Variants in LDB2 observed in about 807,000 individuals in gnomAD.
LDB2 encodes the protein LIM domain binding 2, also known as LIM domain-binding protein 2.
A neutral mutation model predicts 44.3 loss-of-function variants in LDB2; 12 were observed. The observed-to-expected ratio is 0.27, with a 90% CI of 0.17 to 0.44. LDB2 has a LOEUF of 0.44. LDB2 is among the 20% of genes least tolerant of loss of function. LDB2 has a pLI of 1.00. For missense variants in LDB2, 344 were observed against 473.5 expected (o/e 0.73, Z 2.54); for synonymous variants, 164 against 174.8 (o/e 0.94, Z 0.49).
intron 5 of LDB2, among the ~76,000 whole-genome samples, chr4:16,567,595 C>A (rs569930704): frequency 5.3e-4 from 81 of 152,116 alleles, no homozygotes; most frequent in African/African-American, 1.8e-3. Flanking sequence ...GTGGTGAAAC[C>A]CTGTCTCTAC....
intron 2 of LDB2, among the ~76,000 whole-genome samples, chr4:16,687,831 G>A (rs1749638515): frequency 6.6e-6 from 1 of 152,188 alleles, no homozygotes. Context: ...AGGAAGAGAA[G>A]TTAGCACGTT....
chr4:16,612,843 C>T (rs757699473), intron 2 of LDB2, among the ~76,000 whole-genome samples: 8 of 152,190 alleles, frequency 5.3e-5, no homozygotes, highest in Non-Finnish European at 1.0e-4. Flanking sequence ...CCCTCCCTAA[C>T]TCATTTTATG....
rs779080945 is a variant in LDB2 at position 16,757,680 on chromosome 4, C to T, written c.235+1478G>A. 3.9e-5 allele frequency among the ~76,000 whole-genome samples: 6 copies of T among 152,226 alleles called. No individual in the cohort carries two copies. In the South Asian group the frequency reaches 8.3e-4, roughly 21 times the overall value. ...GATGACTGCTTGGTTAGAAATTAAACGCCATTGATCAGGCAGCTTTTTGAG... is the reference window on the plus strand; with the variant it reads ...GATGACTGCTTGGTTAGAAATTAAATGCCATTGATCAGGCAGCTTTTTGAG... On this transcript the variant is annotated intron_variant, in intron 2 of 7. Coordinates refer to ENST00000304523, the MANE Select transcript of LDB2 (RefSeq NM_001290.5).
chr4:16,885,687 T>C (rs955500700), intron 1 of LDB2, among the ~76,000 whole-genome samples: 24 of 152,186 alleles, frequency 1.6e-4, no homozygotes, highest in Admixed American at 7.2e-4. Flanking sequence ...GCTAAAATAT[T>C]TTGATTTATG....
chr4:16,693,252 T>C (rs190158536), intron 2 of LDB2, among the ~76,000 whole-genome samples: 49 of 152,052 alleles, frequency 3.2e-4, no homozygotes, highest in Admixed American at 2.7e-3. Context: ...TAAGAATCCA[T>C]AGGGAGAAGA....
At chr4:16,544,821 C>G (rs1363178495) in intron 5 of LDB2, among the ~76,000 whole-genome samples, 1 of 152,102 alleles carries the variant, frequency 6.6e-6, no homozygotes, top group Non-Finnish European at 1.5e-5. Context: ...TCAGGCTTGA[C>G]TTTACAGGAG....
intron 2 of LDB2, among the ~76,000 whole-genome samples, chr4:16,729,469 A>C (rs1182389121): frequency 6.6e-6 from 1 of 152,176 alleles, no homozygotes; most frequent in Admixed American, 6.6e-5. Context: ...AAAGTACAAA[A>C]CACACCGGCT....
At chr4:16,657,632 C>G (rs1578532477) in intron 2 of LDB2, among the ~76,000 whole-genome samples, 1 of 152,210 alleles carries the variant, frequency 6.6e-6, no homozygotes, top group East Asian at 1.9e-4. Context: ...CACTCTCTCC[C>G]CACAACTGCC....
At chr4:16,609,971 C>A (rs539501079) in intron 2 of LDB2, among the ~76,000 whole-genome samples, 1 of 152,098 alleles carries the variant, frequency 6.6e-6, no homozygotes, top group Non-Finnish European at 1.5e-5. Flanking sequence ...GGTGTCCCTT[C>A]GGGTCAGAGA....
intron 1 of LDB2, among the ~76,000 whole-genome samples, chr4:16,859,594 C>T (rs763333353): frequency 4.6e-5 from 7 of 152,240 alleles, no homozygotes; most frequent in East Asian, 1.9e-4. Flanking sequence ...ACTATGCTTT[C>T]GGATTCTTTA....
At chr4:16,737,471 G>A (rs1272149932) in intron 2 of LDB2, among the ~76,000 whole-genome samples, 3 of 151,948 alleles carry the variant, frequency 2.0e-5, no homozygotes, top group South Asian at 2.1e-4. Context: ...AAAATTCGAT[G>A]TGTACACAAA....
At chr4:16,683,456 G>T (rs770582137) in intron 2 of LDB2, among the ~76,000 whole-genome samples, 2 of 152,190 alleles carry the variant, frequency 1.3e-5, no homozygotes, top group Non-Finnish European at 2.9e-5. Context: ...TTGACCACTT[G>T]ATACCATTTA....
chr4:16,894,099 T>C (rs992306070), intron 1 of LDB2, among the ~76,000 whole-genome samples: 3 of 152,166 alleles, frequency 2.0e-5, no homozygotes, highest in Admixed American at 2.0e-4. Context: ...TTATTGAAGC[T>C]TTTCACAGAA....
intron 5 of LDB2, among the ~76,000 whole-genome samples, chr4:16,525,764 C>G (rs558037681): frequency 6.6e-6 from 1 of 151,966 alleles, no homozygotes; most frequent in East Asian, 1.9e-4. Flanking sequence ...GTGATAAGTA[C>G]CAAAGAGAAA....
At chr4:16,829,231 G>A (rs924608211) in intron 1 of LDB2, among the ~76,000 whole-genome samples, 17 of 152,160 alleles carry the variant, frequency 1.1e-4, no homozygotes, top group Admixed American at 1.1e-3. Flanking sequence ...TCAATCGGTG[G>A]TGAGAACCAC....
At chr4:16,623,764 A>C (rs1043666552) in intron 2 of LDB2, among the ~76,000 whole-genome samples, 1 of 97,508 alleles carries the variant, frequency 1.0e-5, no homozygotes, top group African/African-American at 3.2e-5. Context: ...TGAAATATAC[A>C]TACACACACA....
intron 2 of LDB2, among the ~76,000 whole-genome samples, chr4:16,720,037 T>C (rs945761647): frequency 6.6e-6 from 1 of 152,086 alleles, no homozygotes; most frequent in Non-Finnish European, 1.5e-5. Flanking sequence ...TATTATAATC[T>C]CTCTTAAGCC....
At chr4:16,824,116 C>T (rs1782600484) in intron 1 of LDB2, among the ~76,000 whole-genome samples, 1 of 152,186 alleles carries the variant, frequency 6.6e-6, no homozygotes, top group Non-Finnish European at 1.5e-5. Flanking sequence ...CTACCATTCG[C>T]CACTTTGGGA....
chr4:16,881,448 T>C (rs1219333862), intron 1 of LDB2, among the ~76,000 whole-genome samples: 2 of 152,252 alleles, frequency 1.3e-5, no homozygotes, highest in African/African-American at 2.4e-5. Context: ...CTGATTAGCA[T>C]GGCTCCTGCT....
Sources: allele counts gnomAD v4.1 joint callset (sites outside exome capture counted in the v4.1 genomes callset), GRCh38; gene constraint gnomAD v4.1.1; transcripts MANE v1.5; gene names NCBI Gene and HGNC (gene_info 2026-07-23, HGNC 2026-07-21).